GMPS: variants seen among roughly 807,000 people sequenced by gnomAD.
GMPS encodes the protein guanosine monophosphate synthase, also known as GMP synthase [glutamine-hydrolyzing].
A neutral mutation model predicts 77.9 loss-of-function variants in GMPS; 15 were observed. The observed-to-expected ratio is 0.19, with a 90% confidence interval of 0.13 to 0.30. GMPS has a LOEUF of 0.30. Ranked by LOEUF, GMPS falls within the 10% of genes least tolerant of loss-of-function variation. The probability of loss-of-function intolerance (pLI) is 1.00; values close to 1 mark genes in which losing one functional copy is unlikely to be tolerated. For synonymous variants in GMPS, 224 were observed against 275.9 expected (o/e 0.81, Z 1.86); for missense variants, 590 against 838.8 (o/e 0.70, Z 3.66).
chr3:155,922,329 C>A, intron 11 of GMPS, 27 bp downstream of exon 11: 1 of 868,132 alleles, frequency 1.2e-6, no homozygotes, highest in Non-Finnish European at 1.8e-6. Flanking sequence ...CTAATCATTA[C>A]AAGAAATTGA....
chr3:155,918,912 T>G (rs1755252152), intron 9 of GMPS, among the ~76,000 whole-genome samples: 1 of 152,194 alleles, frequency 6.6e-6, no homozygotes. Flanking sequence ...AGAATTATAA[T>G]TTTGGAACAC....
chr3:155,941,109 A>C lies in GMPS; in HGVS notation c.*3417A>C, dbSNP rs966379555. On this transcript the variant is annotated 3_prime_UTR_variant, in exon 16 of 16. Coordinates refer to ENST00000496455, the MANE Select transcript of GMPS (RefSeq NM_003875.3). ...TCTAGGGCCCTTCAGGGCAAATCTT[A>C]AAAGGAAGTTCTTGGCCGGGCGCGG... The C allele has an allele frequency of 1.1e-5, 2 of 184,876 alleles. No homozygotes were observed. The highest frequency in any genetic ancestry group is 8.8e-5 in the East Asian group (1 of 11,426). 11.5% of individuals were successfully genotyped at this position (184,876 alleles called of 1,614,324 possible). A position where few individuals can be genotyped will look rare whatever the true frequency, so the allele number is the denominator to read the frequency against.
chr3:155,893,658 C>G lies in GMPS; in HGVS notation c.168C>G (p.Pro56=), dbSNP rs774975327. The G allele has an allele frequency of 1.2e-6, 2 of 1,611,152 alleles. No individual in the cohort carries two copies. The highest frequency in any genetic ancestry group is 2.7e-5 in the African/African-American group (2 of 74,814). Residue 56 remains proline (P), a synonymous_variant, in exon 2 of 16, where the codon CCC becomes CCG. Coordinates refer to ENST00000496455, the MANE Select transcript of GMPS (RefSeq NM_003875.3). ...RELFVQSEIF[P]LETPAFAIKE... ...TGTTCGTGCAGTCTGAAATTTTCCC[C>G]TTGGAAACACCAGCATTTGCTATAA...
In GMPS at chr3:155,893,372, A is replaced by G. The variant is rs890024024; in HGVS notation, c.28-146A>G. The G allele has an allele frequency of 7.0e-6, 4 of 574,122 alleles. No homozygotes were observed. In the African/African-American group the frequency reaches 7.6e-5, roughly 11 times the overall value. The allele number at this position is 574,122 out of a possible 1,614,324, so 35.6% of individuals were successfully genotyped here. On this transcript the variant is annotated intron_variant, in intron 1 of 15. Transcript: ENST00000496455. ...TATATATTAAAATCTTCCCTTTAAA[A>G]GGGGTATTTTGAATTGGTAACTCAG...
chr3:155,931,683 TAA>T (rs60448476), intron 12 of GMPS, 80 bp from the exon 13 acceptor site: 2,489 of 396,502 alleles, frequency 6.3e-3, no homozygotes, highest in South Asian at 9.3e-3. Flanking sequence ...CTTTTTTTTT[TAA>T]AAAAAAAAAA....
intron 1 of GMPS, among the ~76,000 whole-genome samples, chr3:155,880,756 G>A (rs1486229801): frequency 6.6e-6 from 1 of 152,012 alleles, no homozygotes; most frequent in African/African-American, 2.4e-5. Flanking sequence ...GAAAATCTCT[G>A]TCGGTTTGTC....
chr3:155,923,960 A>C (rs990704277), intron 11 of GMPS, among the ~76,000 whole-genome samples: 1 of 152,070 alleles, frequency 6.6e-6, no homozygotes, highest in African/African-American at 2.4e-5. Context: ...GGCTCACTGC[A>C]ACCTCCGCCT....
intron 1 of GMPS, among the ~76,000 whole-genome samples, chr3:155,879,727 G>GC (rs1754161319): frequency 9.5e-6 from 1 of 105,266 alleles, no homozygotes; most frequent in Admixed American, 1.2e-4. Flanking sequence ...GGTCTTTTTT[G>GC]CCCTTTTTTT....
intron 1 of GMPS, among the ~76,000 whole-genome samples, chr3:155,892,975 A>T (rs1754511366): frequency 6.6e-6 from 1 of 152,210 alleles, no homozygotes; most frequent in African/African-American, 2.4e-5. Context: ...TTAGATGCAT[A>T]TATATCATTT....
intron 1 of GMPS, among the ~76,000 whole-genome samples, chr3:155,891,660 G>A (rs1261691904): frequency 6.9e-6 from 1 of 144,290 alleles, no homozygotes; most frequent in South Asian, 2.2e-4. Flanking sequence ...AGGCTGAAGT[G>A]CAATGGCGTG....
intron 10 of GMPS, among the ~76,000 whole-genome samples, chr3:155,920,527 A>G (rs1211795415): frequency 1.3e-5 from 2 of 149,394 alleles, no homozygotes; most frequent in East Asian, 2.0e-4. Flanking sequence ...GTGAGACAAG[A>G]TTACACCACA....
At chr3:155,931,683 T>TTTTAAA (rs745576751) in intron 12 of GMPS, 82 bp from the exon 13 acceptor site, 5 of 398,996 alleles carry the variant, frequency 1.3e-5, no homozygotes, top group Admixed American at 3.9e-5. Context: ...CTTTTTTTTT[T>TTTTAAA]AAAAAAAAAA....
At chr3:155,904,525 G>T (rs886865525) in intron 4 of GMPS, among the ~76,000 whole-genome samples, 1 of 152,060 alleles carries the variant, frequency 6.6e-6, no homozygotes, top group Non-Finnish European at 1.5e-5. Flanking sequence ...CCTAGACCTC[G>T]TGATCTGTCC....
At chr3:155,925,407 T>C in intron 12 of GMPS, 41 bp downstream of exon 12, 1 of 1,509,608 alleles carries the variant, frequency 6.6e-7, no homozygotes, top group South Asian at 1.3e-5. Context: ...ATACTTTTTT[T>C]TTTTTTTCTT....
At position 155,907,490 on chromosome 3, in the gene GMPS, G is replaced by A. The variant is rs1754923702; in HGVS notation, c.526+1227G>A. 2.6e-5 allele frequency among the ~76,000 whole-genome samples: 4 copies of A among 152,182 alleles called. No individual in the cohort carries two copies. In the South Asian group the frequency reaches 8.3e-4, roughly 32 times the overall value. ...TGCAGTCCTAGCTACTCAGGAGGCTGAGGTGGGAGAATCATTTGGCCCTAA... is the reference window on the plus strand; with the variant it reads ...TGCAGTCCTAGCTACTCAGGAGGCTAAGGTGGGAGAATCATTTGGCCCTAA... On this transcript the variant is annotated intron_variant, in intron 5 of 15. Transcript: ENST00000496455.
chr3:155,938,696 T>C lies in GMPS; in HGVS notation c.*1004T>C, dbSNP rs534930552. 1.5e-5 allele frequency: 3 copies of C among 202,344 alleles called. No homozygotes were observed. Among genetic ancestry groups the C allele is most frequent in the South Asian group, 3.8e-4 (2 of 5,260 alleles). The allele number at this position is 202,344 out of a possible 1,614,324, so 12.5% of individuals were successfully genotyped here. On this transcript the variant is annotated 3_prime_UTR_variant, in exon 16 of 16. Coordinates refer to ENST00000496455, the MANE Select transcript of GMPS (RefSeq NM_003875.3). ...CTTTTAAATCTAATCTATAGACATA[T>C]TATTCATTGCTCAGACACCTGTGAA...
chr3:155,920,250 T>C (rs973303141), intron 10 of GMPS, among the ~76,000 whole-genome samples: 1 of 152,220 alleles, frequency 6.6e-6, no homozygotes, highest in Admixed American at 6.5e-5. Flanking sequence ...AATGATCATA[T>C]TGGCTCCATA....
chr3:155,931,041 G>T (rs1755602285), intron 12 of GMPS, among the ~76,000 whole-genome samples: 1 of 152,014 alleles, frequency 6.6e-6, no homozygotes, highest in Non-Finnish European at 1.5e-5. Flanking sequence ...GTCCAGGCTG[G>T]TCTCAAACTT....
chr3:155,891,799 T>G (rs999284718), intron 1 of GMPS, among the ~76,000 whole-genome samples: 3 of 151,644 alleles, frequency 2.0e-5, no homozygotes, highest in African/African-American at 7.3e-5. Flanking sequence ...AGAGGCAGGG[T>G]TTTTCCATGT....
Sources: gnomAD v4.1 joint callset for allele counts (sites outside exome capture counted in the v4.1 genomes callset) on GRCh38, gnomAD v4.1.1 for gene constraint, MANE v1.5 for transcripts, NCBI Gene and HGNC (gene_info 2026-07-23, HGNC 2026-07-21) for gene names.